The following BPHL variants were observed in gnomAD, a reference collection of about 807,000 sequenced individuals.
BPHL encodes biphenyl hydrolase like.
Under a neutral mutation model 31.2 loss-of-function variants are expected in BPHL, and 27 were observed. The ratio of observed to expected loss-of-function variants is 0.87; its 90% CI spans 0.64 to 1.19. The LOEUF (loss-of-function observed/expected upper bound fraction) is 1.19. Among genes scored for constraint, BPHL ranks in the 50% most tolerant of loss-of-function variants. The pLI, the probability that BPHL is intolerant of heterozygous loss-of-function variation, is 0.00. For synonymous variants in BPHL, 150 were observed against 146.8 expected (o/e 1.02, Z -0.16); for missense variants, 356 against 375.7 (o/e 0.95, Z 0.43).
intron 4 of BPHL, among the ~76,000 whole-genome samples, chr6:3,131,976 A>C (rs1023354590): frequency 6.6e-6 from 1 of 152,182 alleles, no homozygotes; most frequent in African/African-American, 2.4e-5. Context: ...GGGCACTGTC[A>C]GCACTTACTC....
intron 6 of BPHL, among the ~76,000 whole-genome samples, chr6:3,144,391 G>C (rs12200804): frequency 1.5e-5 from 2 of 130,288 alleles, no homozygotes; most frequent in South Asian, 5.1e-4. Flanking sequence ...TTTTTTTTTT[G>C]TTTTTTTTTT....
intron 3 of BPHL, among the ~76,000 whole-genome samples, chr6:3,127,795 G>A (rs984128944): frequency 5.9e-5 from 9 of 151,932 alleles, no homozygotes; most frequent in African/African-American, 2.2e-4. Context: ...TCCATTGTAT[G>A]GATGTACTGT....
chr6:3,125,658 G>T (rs1233285415), intron 2 of BPHL, among the ~76,000 whole-genome samples: 1 of 151,858 alleles, frequency 6.6e-6, no homozygotes, highest in South Asian at 2.1e-4. Flanking sequence ...GGGTACTTCC[G>T]TGGCCAGAAC....
At chr6:3,137,967 T>G in intron 5 of BPHL, 1 of 1,275,304 alleles carries the variant, frequency 7.8e-7, no homozygotes, top group South Asian at 1.2e-5. Flanking sequence ...TTCTGTTTTT[T>G]CCATCTTCAG....
At position 3,137,507 on chromosome 6, in the gene BPHL, C is replaced by T. The variant is rs1762046706; in HGVS notation, c.664+14C>T. 1 of 1,613,390 alleles carries T rather than the reference C, an allele frequency of 6.2e-7. No homozygotes were observed. The highest frequency in any genetic ancestry group is 1.3e-5 in the African/African-American group (1 of 74,738). On this transcript the variant is annotated intron_variant, in intron 5 of 6. Transcript: ENST00000380379. Reference sequence around the variant, plus strand: ...ATCTCCCAGATGGTAGGTTACTGGGCTTGAAGGGCTCTCTGCCTGTTATAG... The same window carrying T: ...ATCTCCCAGATGGTAGGTTACTGGGTTTGAAGGGCTCTCTGCCTGTTATAG...
rs565720664 is a variant in BPHL at position 3,137,417 on chromosome 6, C to G, written c.588C>G (p.Leu196=). The change falls in exon 5 of 7, where the codon CTC becomes CTG. Residue 196 remains leucine, a synonymous_variant. Transcript: ENST00000380379. ...SERTRKPLEA[L]YGYDYFARTC... ...GAACAAGAAAGCCTCTAGAAGCCCTCTATGGGTATGACTACTTTGCCAGAA... is the reference window on the plus strand; with the variant it reads ...GAACAAGAAAGCCTCTAGAAGCCCTGTATGGGTATGACTACTTTGCCAGAA... The G allele has an allele frequency of 6.2e-7, 1 of 1,613,028 alleles. No individual in the cohort carries two copies. Among genetic ancestry groups the G allele is most frequent in the African/African-American group, 1.3e-5 (1 of 74,572 alleles).
chr6:3,118,789 C>A lies in BPHL; in HGVS notation c.49C>A (p.Leu17Ile). 8.0e-7 allele frequency: 1 copy of A among 1,248,758 alleles called. No individual in the cohort carries two copies. Among genetic ancestry groups the A allele is most frequent in the Non-Finnish European group, 1.0e-6 (1 of 992,902 alleles). 77.4% of individuals were successfully genotyped at this position (1,248,758 alleles called of 1,614,324 possible). The change falls in exon 1 of 7, where the codon CTC becomes ATC. Residue 17 changes from leucine (L) to isoleucine (I), a missense_variant. Coordinates refer to ENST00000380379, the MANE Select transcript of BPHL (RefSeq NM_004332.4). ...GGGCGTGTTGCGCCTGCGGCTGCTTCTCTCAGCGCTGAAGCCCGGGATCCA... is the reference window on the plus strand; with the variant it reads ...GGGCGTGTTGCGCCTGCGGCTGCTTATCTCAGCGCTGAAGCCCGGGATCCA... ...GRGVLRLRLL[L>I]SALKPGIHVP...
At chr6:3,119,103 A>ATG in intron 1 of BPHL, among the ~76,000 whole-genome samples, 1 of 152,296 alleles carries the variant, frequency 6.6e-6, no homozygotes, top group Admixed American at 6.5e-5. Context: ...GGCTTGGGCT[A>ATG]TAGAGTGCAG....
At position 3,152,759 on chromosome 6, in the gene BPHL, G is replaced by A; in HGVS notation, c.*184G>A. 1.9e-6 allele frequency: 1 copy of A among 528,502 alleles called. No homozygotes were observed. Among genetic ancestry groups the A allele is most frequent in the South Asian group, 2.6e-5 (1 of 38,938 alleles). 32.7% of individuals were successfully genotyped at this position (528,502 alleles called of 1,614,324 possible). A position where few individuals can be genotyped will look rare whatever the true frequency, so the allele number is the denominator to read the frequency against. On this transcript the variant is annotated 3_prime_UTR_variant, in exon 7 of 7. Transcript: ENST00000380379. ...CTCTAGCTTCAGGCTGGGCACGGTG[G>A]CTCACAGCTATAATCTCAGCACTTT...
intron 1 of BPHL, among the ~76,000 whole-genome samples, chr6:3,122,810 G>A (rs1581459981): frequency 1.3e-5 from 2 of 152,284 alleles, no homozygotes; most frequent in Admixed American, 1.3e-4. Context: ...GTTGACTATG[G>A]CCCTCCTGCA....
At position 3,127,322 on chromosome 6, in the gene BPHL, G is replaced by C. The variant is rs1362311014; in HGVS notation, c.292G>C (p.Gly98Arg). ...CACGGTGGTCGCCTGGGATCCTCGA[G>C]GCTATGGACATTCCAGGCCCCCAGA... ...LFTVVAWDPR[G>R]YGHSRPPDRD... The change falls in exon 3 of 7, where the codon GGC (glycine) becomes CGC (arginine). Residue 98 changes from glycine (G) to arginine (R), a missense_variant. Gly to Arg is a moderately radical substitution (Grantham distance 125). Transcript: ENST00000380379. The C allele has an allele frequency of 6.6e-7, 1 of 1,525,304 alleles. No individual in the cohort carries two copies. Among genetic ancestry groups the C allele is most frequent in the Non-Finnish European group, 8.8e-7 (1 of 1,133,056 alleles). The allele number at this position is 1,525,304 out of a possible 1,614,324, so 94.5% of individuals were successfully genotyped here. A position where few individuals can be genotyped will look rare whatever the true frequency, so the allele number is the denominator to read the frequency against.
chr6:3,127,167 A>G (rs1761737991), intron 2 of BPHL, 75 bp from the exon 3 acceptor site: 1 of 1,042,942 alleles, frequency 9.6e-7, no homozygotes, highest in Non-Finnish European at 1.3e-6. Flanking sequence ...TAAGATTGTT[A>G]TTGCTTCTGT....
chr6:3,143,086 G>A (rs914185002), intron 6 of BPHL, among the ~76,000 whole-genome samples: 1 of 152,106 alleles, frequency 6.6e-6, no homozygotes, highest in Non-Finnish European at 1.5e-5. Flanking sequence ...AGACATGGTC[G>A]TGGGCACCCG....
At chr6:3,118,510 G>C, upstream of BPHL, 2 of 372,014 alleles carry the variant, frequency 5.4e-6, no homozygotes, top group Non-Finnish European at 9.5e-6. Context: ...AGAGGGGACG[G>C]TCTACGCGGG....
At chr6:3,120,268 C>T (rs543632484) in intron 1 of BPHL, among the ~76,000 whole-genome samples, 3 of 152,210 alleles carry the variant, frequency 2.0e-5, no homozygotes, top group Admixed American at 6.5e-5. Context: ...CTCTTGACCT[C>T]AAATGATCCA....
chr6:3,131,576 T>C (rs3799211), intron 4 of BPHL, among the ~76,000 whole-genome samples: 3,523 of 152,328 alleles, frequency 0.023, 88 homozygotes, highest in East Asian at 0.072. Context: ...GGCAAAAATC[T>C]AATCACTTAA....
intron 6 of BPHL, among the ~76,000 whole-genome samples, chr6:3,150,371 G>C (rs3799217): frequency 0.085 from 12,866 of 152,176 alleles, 791 homozygotes; most frequent in African/African-American, 0.17. Flanking sequence ...CTCACCTATG[G>C]CATTTTGACC....
At chr6:3,137,552 C>G (rs1762049060) in intron 5 of BPHL, 59 bp downstream of exon 5, 4 of 1,602,498 alleles carry the variant, frequency 2.5e-6, no homozygotes, top group South Asian at 1.1e-5. Context: ...GAGTTCCTCC[C>G]CAGTGTTCTG....
chr6:3,130,131 A>G (rs1761833613), intron 4 of BPHL, among the ~76,000 whole-genome samples: 1 of 152,182 alleles, frequency 6.6e-6, no homozygotes, highest in South Asian at 2.1e-4. Context: ...GCACTGGAAT[A>G]GGGGCCAGTG....
Sources: gnomAD v4.1 joint callset for allele counts (sites outside exome capture counted in the v4.1 genomes callset) on GRCh38, gnomAD v4.1.1 for gene constraint, MANE v1.5 for transcripts, NCBI Gene and HGNC (gene_info 2026-07-23, HGNC 2026-07-21) for gene names.